Variants in PRC1 observed in about 807,000 individuals in gnomAD.
The protein encoded by PRC1 is protein regulator of cytokinesis 1.
A neutral mutation model predicts 91.2 loss-of-function variants in PRC1; 54 were observed. The ratio of observed to expected loss-of-function variants is 0.59; its 90% confidence interval spans 0.48 to 0.74. The LOEUF is 0.74. PRC1 is among the 30% of genes least tolerant of loss of function. The pLI, the probability that PRC1 is intolerant of heterozygous loss-of-function variation, is 0.00. For missense variants in PRC1, 727 were observed against 746.2 expected (o/e 0.97, Z 0.30); for synonymous variants, 275 against 263.6 (o/e 1.04, Z -0.42).
intron 14 of PRC1, chr15:90,968,034 A>G (rs545380569): frequency 7.4e-4 from 729 of 985,106 alleles, no homozygotes; most frequent in Non-Finnish European, 8.3e-4. Flanking sequence ...ATGGCTATTG[A>G]GAAAGACAGA....
At position 90,966,937 on chromosome 15, in the gene PRC1, T is replaced by G; in HGVS notation, c.*194A>C. 1.7e-6 allele frequency: 1 copy of G among 599,266 alleles called. No individual in the cohort carries two copies. Among genetic ancestry groups the G allele is most frequent in the East Asian group, 2.8e-5 (1 of 35,680 alleles). 37.1% of individuals were successfully genotyped at this position (599,266 alleles called of 1,614,324 possible). A position where few individuals can be genotyped will look rare whatever the true frequency, so the allele number is the denominator to read the frequency against. On this transcript the variant is annotated 3_prime_UTR_variant, in exon 15 of 15. Coordinates refer to ENST00000394249, the MANE Select transcript of PRC1 (RefSeq NM_003981.4). ...TTCATGTATATAAGTCAAAACCAAG[T>G]CTCCTAGGACCACTAAACCTATGAT...
At position 90,966,868 on chromosome 15, in the gene PRC1, G is replaced by A. The variant is rs1316434484; in HGVS notation, c.*263C>T. On this transcript the variant is annotated 3_prime_UTR_variant, in exon 15 of 15. Transcript: ENST00000394249. ...GCAAGTAGAATTATGTGGTAGAGAA[G>A]TCAGGCCCCATATGCTAAAATTTGC... 2 of 533,532 alleles carry A rather than the reference G, an allele frequency of 3.7e-6. No homozygotes were observed. Among genetic ancestry groups the A allele is most frequent in the Admixed American group, 3.2e-5 (1 of 31,392 alleles). The allele number at this position is 533,532 out of a possible 1,614,324, so 33.0% of individuals were successfully genotyped here.
chr15:90,966,639 A>G lies in PRC1; in HGVS notation c.*492T>C, dbSNP rs1296005454. On this transcript the variant is annotated 3_prime_UTR_variant, in exon 15 of 15. Coordinates refer to ENST00000394249, the MANE Select transcript of PRC1 (RefSeq NM_003981.4). ...TCGGACACACAAAGACATTCTCTTC[A>G]GGAGGAAGGCTGTCCTGTGTGGTGG... is the stretch of plus-strand genomic sequence containing the variant. 2.2e-6 allele frequency: 1 copy of G among 456,126 alleles called. No homozygotes were observed. Among genetic ancestry groups the G allele is most frequent in the Admixed American group, 2.3e-5 (1 of 42,564 alleles). 28.3% of individuals were successfully genotyped at this position (456,126 alleles called of 1,614,324 possible).
At position 90,967,098 on chromosome 15, in the gene PRC1, G is replaced by A. The variant is rs763496387; in HGVS notation, c.*33C>T. On this transcript the variant is annotated 3_prime_UTR_variant, in exon 15 of 15. Transcript: ENST00000394249. ...TATAATTAGGTCCAGTCTAGGCACA[G>A]GAAGCCACAGCTGGTTGACTGATCA... 9 of 1,589,190 alleles carry A rather than the reference G, an allele frequency of 5.7e-6. No homozygotes were observed. The East Asian group carries it at 1.8e-4, about 32-fold the overall frequency.
intron 1 of PRC1, among the ~76,000 whole-genome samples, chr15:90,992,446 G>A (rs1191649563): frequency 2.0e-5 from 3 of 151,980 alleles, no homozygotes; most frequent in Admixed American, 2.0e-4. Flanking sequence ...TAGAGACAGG[G>A]TCTTGCTATG....
rs766401191 is a variant in PRC1, at chr15:90,966,068, ATTTATT to A, written c.*1057_*1062del. On this transcript the variant is annotated 3_prime_UTR_variant, in exon 15 of 15. Coordinates refer to ENST00000394249, the MANE Select transcript of PRC1 (RefSeq NM_003981.4). ...TTGAAATGTAAGTATACAGATTTTA[ATTTATT>A]TTTAAGAATAATTGTATATTTTAAA... is the stretch of plus-strand genomic sequence containing the variant. The A allele has an allele frequency of 6.6e-6, 1 of 152,260 alleles. No individual in the cohort carries two copies. The highest frequency in any genetic ancestry group is 1.5e-5 in the Non-Finnish European group (1 of 68,066). The allele number at this position is 152,260 out of a possible 1,614,324, so 9.4% of individuals were successfully genotyped here. A position where few individuals can be genotyped will look rare whatever the true frequency, so the allele number is the denominator to read the frequency against.
chr15:90,980,859 A>AC (rs777511352), intron 6 of PRC1, 25 bp downstream of exon 6: 3 of 1,614,076 alleles, frequency 1.9e-6, no homozygotes, highest in Non-Finnish European at 2.5e-6. Flanking sequence ...AAGACTGCTG[A>AC]CCCAGTACCC....
Position 90,966,987 on chromosome 15 carries a change from C to G in PRC1, c.*144G>C. The stretch of plus-strand genomic sequence containing the variant: ...TGGGCTTTCAACTGTAACACTCATT[C>G]ACATCTTTAAGTTAGGCCCATGGTC... On this transcript the variant is annotated 3_prime_UTR_variant, in exon 15 of 15. Transcript: ENST00000394249. 1 of 700,754 alleles carries G rather than the reference C, an allele frequency of 1.4e-6. No individual in the cohort carries two copies. The highest frequency in any genetic ancestry group is 2.5e-6 in the Non-Finnish European group (1 of 400,446). 43.4% of individuals were successfully genotyped at this position (700,754 alleles called of 1,614,324 possible).
chr15:90,974,114 T>C lies in PRC1; in HGVS notation c.1461+22A>G. ...CTCACCCACTCCCTTGAAATCAGTG[T>C]TTCCCTAAGCCTTGTGTTTACCTTA... On this transcript the variant is annotated intron_variant, in intron 11 of 14. Transcript: ENST00000394249. The surrounding 1 kb of genome is among the most constrained non-coding windows in gnomAD (Gnocchi z 4.6). 1 of 1,601,200 alleles carries C rather than the reference T, an allele frequency of 6.2e-7. No individual in the cohort carries two copies.
intron 14 of PRC1, chr15:90,968,112 A>G (rs1023463367): frequency 2.0e-6 from 2 of 985,282 alleles, no homozygotes; most frequent in Non-Finnish European, 2.4e-6. Flanking sequence ...AGCAACCCAA[A>G]CCAGACGAAC....
Position 90,984,235 on chromosome 15 carries a change from CTTTTTT to C in PRC1, c.145-101_145-96del. 2.0e-6 allele frequency: 3 copies of C among 1,484,216 alleles called. No homozygotes were observed. Among genetic ancestry groups the C allele is most frequent in the Non-Finnish European group, 2.7e-6 (3 of 1,101,476 alleles). The allele number at this position is 1,484,216 out of a possible 1,614,324, so 91.9% of individuals were successfully genotyped here. A position where few individuals can be genotyped will look rare whatever the true frequency, so the allele number is the denominator to read the frequency against. ...CTCCTCAAATTTCTTTTTTCTTTTT[CTTTTTT>C]TCTTTGAGATGGAGTCTCGCTCTGT... On this transcript the variant is annotated intron_variant, in intron 2 of 14. Coordinates refer to ENST00000394249, the MANE Select transcript of PRC1 (RefSeq NM_003981.4). The surrounding 1 kb of genome is among the most constrained non-coding windows in gnomAD (Gnocchi z 5.1).
Position 90,976,680 on chromosome 15 carries a change from G to A in PRC1, c.1199C>T (p.Pro400Leu), listed in dbSNP as rs1209543626. The A allele has an allele frequency of 1.9e-6, 3 of 1,607,716 alleles. No individual in the cohort carries two copies. The highest frequency in any genetic ancestry group is 2.2e-5 in the South Asian group (2 of 90,828). The stretch of plus-strand genomic sequence containing the variant: ...AACCCTTAGCAACATTATTACCTTG[G>A]GCAGCATTTTCTGGAGCTTGGCTCG... Reference protein sequence around the residue: ...KQRAKLQKMLPKLEEELKARI... With the variant: ...KQRAKLQKMLLKLEEELKARI... Residue 400 changes from proline to leucine, a missense_variant, in exon 9 of 15, where the codon CCC becomes CTC. Physicochemically the swap from Pro to Leu is moderately conservative, Grantham distance 98 (BLOSUM62 -3). Transcript: ENST00000394249.
At chr15:90,968,861 T>C (rs1416901902) in intron 14 of PRC1, 4 of 1,367,864 alleles carry the variant, frequency 2.9e-6, no homozygotes, top group South Asian at 1.6e-5. Context: ...TGCCTGACTT[T>C]AGGGGCTGAG....
In PRC1 at chr15:90,994,408, T is replaced by C. The variant is rs773444703; in HGVS notation, c.10A>G (p.Ser4Gly). ...CCTCGATTTCCCCGCAACCCGCACC[T>C]TCTCCTCATGGCGGACGCTCCAAGC... The part of the protein sequence containing the change: MRR[S>G]EVLAEESIVC... The change falls in exon 1 of 15, where the codon AGT becomes GGT. Residue 4 changes from serine to glycine, a missense_variant and splice_region_variant. By Grantham distance (56) the Ser-to-Gly change is moderately conservative. Transcript: ENST00000394249. 29 of 1,611,298 alleles carry C rather than the reference T, an allele frequency of 1.8e-5. No homozygotes were observed. In the Admixed American group the frequency reaches 3.3e-4, roughly 19 times the overall value.
chr15:90,978,723 A>G (rs568954472), intron 8 of PRC1, among the ~76,000 whole-genome samples: 1 of 132,864 alleles, frequency 7.5e-6, no homozygotes, highest in African/African-American at 2.9e-5. Context: ...ATTGCACTCC[A>G]GCCTGGGCAA....
chr15:90,983,270 T>C (rs999312630), intron 3 of PRC1, among the ~76,000 whole-genome samples: 1 of 152,200 alleles, frequency 6.6e-6, no homozygotes, highest in Admixed American at 6.5e-5. Context: ...AGGCAGGTCT[T>C]CCTGTAACAG....
intron 11 of PRC1, among the ~76,000 whole-genome samples, chr15:90,970,843 A>C (rs530263571): frequency 6.6e-6 from 1 of 152,386 alleles, no homozygotes; most frequent in South Asian, 2.1e-4. Context: ...ACTTAGACGT[A>C]AATGTTCACA....
At chr15:90,981,207 C>T (rs1596312935) in intron 5 of PRC1, 174 bp from the exon 6 acceptor site, 1 of 863,550 alleles carries the variant, frequency 1.2e-6, no homozygotes, top group East Asian at 2.6e-5. Flanking sequence ...GGATCTCAGA[C>T]CCCAAGAATT....
intron 1 of PRC1, among the ~76,000 whole-genome samples, chr15:90,989,639 C>A (rs6496746): frequency 0.37 from 55,657 of 151,102 alleles, 14,770 homozygotes; most frequent in African/African-American, 0.74. Flanking sequence ...AACTACACAA[C>A]TGTTTATAGC....
Sources: allele counts gnomAD v4.1 joint callset (sites outside exome capture counted in the v4.1 genomes callset), GRCh38; gene constraint gnomAD v4.1.1; non-coding constraint Gnocchi (gnomAD v3.1); transcripts MANE v1.5; gene names NCBI Gene and HGNC (gene_info 2026-07-23, HGNC 2026-07-21).